Variants in NELL1 observed in about 807,000 individuals in gnomAD.
The protein encoded by NELL1 is protein kinase C-binding protein NELL1.
A neutral mutation model predicts 107.4 loss-of-function variants in NELL1; 76 were observed. The ratio of observed to expected loss-of-function variants is 0.71; its 90% CI spans 0.59 to 0.86. The LOEUF is 0.86. Ranked by LOEUF, NELL1 falls within the 40% of genes least tolerant of loss-of-function variation. NELL1 has a pLI of 0.00. For missense variants in NELL1, 1,024 were observed against 1,005.5 expected, an observed-to-expected ratio of 1.02 and a Z score of -0.25; for synonymous variants, 353 against 341.2, an observed-to-expected ratio of 1.03 and a Z score of -0.38.
chr11:21,503,713 AG>A (rs1855207898), intron 15 of NELL1, among the ~76,000 whole-genome samples: 1 of 152,180 alleles, frequency 6.6e-6, no homozygotes, highest in Non-Finnish European at 1.5e-5. Context: ...CCAGTCATTT[AG>A]AGGCTATTCT....
chr11:21,043,608 A>G (rs980306490), intron 12 of NELL1, among the ~76,000 whole-genome samples: 1 of 152,148 alleles, frequency 6.6e-6, no homozygotes, highest in Non-Finnish European at 1.5e-5. Flanking sequence ...TTAGATTTTT[A>G]TGTGATCCAA....
chr11:21,204,281 C>T (rs752595959), intron 13 of NELL1, among the ~76,000 whole-genome samples: 1 of 152,020 alleles, frequency 6.6e-6, no homozygotes, highest in Admixed American at 6.6e-5. Flanking sequence ...CACACAGTCC[C>T]GTATTTCTTG....
At chr11:21,193,498 G>A (rs1030080041) in intron 13 of NELL1, among the ~76,000 whole-genome samples, 8 of 151,834 alleles carry the variant, frequency 5.3e-5, no homozygotes, top group African/African-American at 1.9e-4. Flanking sequence ...AAATTTATTT[G>A]CATTTTAGAA....
chr11:21,109,058 A>G (rs1249529773), intron 12 of NELL1, among the ~76,000 whole-genome samples: 4 of 152,054 alleles, frequency 2.6e-5, no homozygotes, highest in Admixed American at 6.6e-5. Flanking sequence ...CCAGGTTTCT[A>G]TGCTTACTGA....
intron 2 of NELL1, among the ~76,000 whole-genome samples, chr11:20,689,441 C>A (rs1241684195): frequency 1.3e-3 from 145 of 110,150 alleles, no homozygotes; most frequent in African/African-American, 4.9e-3. Flanking sequence ...CCCCCTCCCC[C>A]CACCCCACAA....
chr11:21,274,354 C>CT, intron 14 of NELL1, among the ~76,000 whole-genome samples: 1 of 152,244 alleles, frequency 6.6e-6, no homozygotes, highest in Non-Finnish European at 1.5e-5. Flanking sequence ...GCTAACTATC[C>CT]TAAATATATA....
At position 20,732,314 on chromosome 11, in the gene NELL1, A is replaced by G. The variant is rs144635833; in HGVS notation, c.185-51366A>G. Reference sequence around the variant, plus strand: ...AGAATATTTGAGTTCCTCCTGTGTTAAGCTCCATCTTTAATCCTCACTTCA... The same window carrying G: ...AGAATATTTGAGTTCCTCCTGTGTTGAGCTCCATCTTTAATCCTCACTTCA... On this transcript the variant is annotated intron_variant, in intron 2 of 19. Coordinates refer to ENST00000357134, the MANE Select transcript of NELL1 (RefSeq NM_006157.5). Among the ~76,000 whole-genome samples, 1,168 of 152,196 alleles carry G rather than the reference A, an allele frequency of 7.7e-3. 14 individuals are homozygous for G. The highest frequency in any genetic ancestry group is 0.027 in the African/African-American group (1,118 of 41,516).
chr11:21,392,218 G>A (rs1199755994), intron 15 of NELL1, among the ~76,000 whole-genome samples: 1 of 151,776 alleles, frequency 6.6e-6, no homozygotes, highest in Non-Finnish European at 1.5e-5. Context: ...CAGTAGCCTG[G>A]CTGGGGTAAG....
At position 21,431,223 on chromosome 11, in the gene NELL1, T is replaced by G. The variant is rs566227785; in HGVS notation, c.1645+60275T>G. On this transcript the variant is annotated intron_variant, in intron 15 of 19. Coordinates refer to ENST00000357134, the MANE Select transcript of NELL1 (RefSeq NM_006157.5). ...TTCACCTTCTCAAAGAGGTCTGCAC[T>G]GATGATATATTTAATAACTGTCCCT... Among the ~76,000 whole-genome samples the G allele has an allele frequency of 7.9e-5, 12 of 152,272 alleles. No homozygotes were observed. In the South Asian group the frequency reaches 2.1e-3, roughly 26 times the overall value.
In NELL1 at chr11:21,079,544, A is replaced by G. The variant is rs181000856; in HGVS notation, c.1301-34045A>G. Among the ~76,000 whole-genome samples the G allele has an allele frequency of 1.5e-4, 23 of 152,184 alleles. No individual in the cohort carries two copies. In the East Asian group the frequency reaches 1.5e-3, roughly 10 times the overall value. On this transcript the variant is annotated intron_variant, in intron 12 of 19. Coordinates refer to ENST00000357134, the MANE Select transcript of NELL1 (RefSeq NM_006157.5). ...CTATACACAGTAAAACTCTGAAAGA[A>G]TGACAAAAGTTTCCACAAACCAAGA...
At chr11:21,068,717 T>C (rs1031799140) in intron 12 of NELL1, among the ~76,000 whole-genome samples, 11 of 152,134 alleles carry the variant, frequency 7.2e-5, no homozygotes, top group Non-Finnish European at 2.9e-5. Context: ...ACGATTAGAT[T>C]CAGGATCCCA....
At chr11:21,040,019 A>G (rs1206335911) in intron 12 of NELL1, among the ~76,000 whole-genome samples, 9 of 152,272 alleles carry the variant, frequency 5.9e-5, no homozygotes, top group Admixed American at 5.9e-4. Context: ...GGTGGAAAAT[A>G]CAGATAAAAT....
chr11:21,240,764 A>G (rs932189549), intron 14 of NELL1, among the ~76,000 whole-genome samples: 51 of 32,398 alleles, frequency 1.6e-3, no homozygotes, highest in Admixed American at 0.015. Flanking sequence ...GTGCCTTTCT[A>G]GTGGGGGGGG....
chr11:21,518,208 AAAGC>A (rs1054972445), intron 15 of NELL1, among the ~76,000 whole-genome samples: 33 of 152,098 alleles, frequency 2.2e-4, no homozygotes, highest in African/African-American at 7.2e-4. Flanking sequence ...GAATTTGACA[AAAGC>A]TTTTTTTTTC....
rs192827771 is a variant in NELL1 at position 21,251,220 on chromosome 11, C to T, written c.1549+21766C>T. ...CACTTACTTTTTAAAAAACAGCATG[C>T]CTACATTATCTAGATACCTGTATGA... On this transcript the variant is annotated intron_variant, in intron 14 of 19. Coordinates refer to ENST00000357134, the MANE Select transcript of NELL1 (RefSeq NM_006157.5). Among the ~76,000 whole-genome samples the T allele has an allele frequency of 3.3e-5, 5 of 152,096 alleles. No individual in the cohort carries two copies. The East Asian group carries it at 7.7e-4, about 24-fold the overall frequency.
At chr11:21,569,145 A>C (rs2098082278) in intron 17 of NELL1, among the ~76,000 whole-genome samples, 1 of 151,800 alleles carries the variant, frequency 6.6e-6, no homozygotes, top group African/African-American at 2.4e-5. Context: ...TTAAAATTAT[A>C]TAAGACCACC....
chr11:21,146,242 T>A (rs890873761), intron 13 of NELL1, among the ~76,000 whole-genome samples: 25 of 151,128 alleles, frequency 1.7e-4, no homozygotes, highest in African/African-American at 6.1e-4. Context: ...AAAAAAACAT[T>A]TTATTCCTGA....
intron 3 of NELL1, among the ~76,000 whole-genome samples, chr11:20,846,507 T>C (rs1299011378): frequency 6.6e-6 from 1 of 151,900 alleles, no homozygotes; most frequent in Non-Finnish European, 1.5e-5. Context: ...CGCTCTGGAG[T>C]TGACCATATG....
At chr11:21,284,381 T>C (rs4151053) in intron 14 of NELL1, 422,590 of 457,038 alleles carry the variant, frequency 0.92, 196,041 homozygotes, top group Non-Finnish European at 0.96. Context: ...CAAGTCTTTG[T>C]GCATTGCTGA....
Sources: gnomAD v4.1 joint callset for allele counts (sites outside exome capture counted in the v4.1 genomes callset) on GRCh38, gnomAD v4.1.1 for gene constraint, MANE v1.5 for transcripts, NCBI Gene and HGNC (gene_info 2026-07-23, HGNC 2026-07-21) for gene names.